The following KCNU1 variants were observed in gnomAD, a reference collection of about 807,000 sequenced individuals.
KCNU1 encodes the protein potassium channel subfamily U member 1.
A neutral mutation model predicts 126.8 loss-of-function variants in KCNU1; 93 were observed. The observed-to-expected ratio is 0.73, with a 90% CI of 0.62 to 0.87. The LOEUF (loss-of-function observed/expected upper bound fraction) is 0.87, where lower values mean the gene tolerates loss of function less well. KCNU1 is among the 40% of genes least tolerant of loss of function. The pLI is 0.00. For missense variants in KCNU1, 1,330 were observed against 1,367.1 expected (o/e 0.97, Z 0.43); for synonymous variants, 523 against 494.2 (o/e 1.06, Z -0.77).
intron 2 of KCNU1, among the ~76,000 whole-genome samples, chr8:36,793,865 C>T (rs1248077572): frequency 6.6e-6 from 1 of 151,830 alleles, no homozygotes; most frequent in Non-Finnish European, 1.5e-5. Context: ...ACAAGCCTGA[C>T]CAACATGGTG....
chr8:36,817,686 T>G lies in KCNU1; in HGVS notation c.1032T>G (p.Ser344Arg), dbSNP rs767587910. ...TCTGTGGAAACATCACTGTGGACAG[T>G]GTGACCGCTTTCCTGAGGAATTTCC... ...IVVCGNITVD[S>R]VTAFLRNFLR... Residue 344 changes from serine to arginine, a missense_variant, in exon 10 of 27, where the codon AGT becomes AGG. By Grantham distance (110) the Ser-to-Arg change is moderately radical. Around this residue, in one of 3 missense-constraint regions of KCNU1, gnomAD observed 1,054 missense variants for 1,053.9 expected, o/e 1.00. Transcript: ENST00000399881. 6.2e-7 allele frequency: 1 copy of G among 1,612,682 alleles called. No homozygotes were observed. Among genetic ancestry groups the G allele is most frequent in the Non-Finnish European group, 8.5e-7 (1 of 1,178,922 alleles).
In KCNU1 at chr8:36,787,469, T is replaced by C. The variant is rs1802749366; in HGVS notation, c.315+44T>C. The C allele has an allele frequency of 2.6e-6, 4 of 1,557,138 alleles. No homozygotes were observed. The African/African-American group carries it at 5.4e-5, about 21-fold the overall frequency. On this transcript the variant is annotated intron_variant, in intron 2 of 26. Transcript: ENST00000399881. ...TTAGCTTGCTAACAAACTTTAGCCA[T>C]AGGTGTGATTATAGTCAGCACAAAT...
intron 19 of KCNU1, among the ~76,000 whole-genome samples, chr8:36,867,903 A>T (rs921965073): frequency 6.6e-6 from 1 of 152,126 alleles, no homozygotes; most frequent in Non-Finnish European, 1.5e-5. Context: ...CTGGTTGGGG[A>T]TCCCTAAATA....
In KCNU1 at chr8:36,935,955, T is replaced by G; in HGVS notation, c.*35T>G. The stretch of plus-strand genomic sequence containing the variant: ...TATTCTTCACGTGCTCTTAACTTGC[T>G]GCTTACAAATCATCTCCTGAGATGC... On this transcript the variant is annotated 3_prime_UTR_variant, in exon 27 of 27. Coordinates refer to ENST00000399881, the MANE Select transcript of KCNU1 (RefSeq NM_001031836.3). 6.7e-7 allele frequency: 1 copy of G among 1,498,752 alleles called. No homozygotes were observed. Among genetic ancestry groups the G allele is most frequent in the Non-Finnish European group, 8.9e-7 (1 of 1,118,750 alleles). The allele number at this position is 1,498,752 out of a possible 1,614,324, so 92.8% of individuals were successfully genotyped here.
At chr8:36,868,551 T>A (rs902038597) in intron 19 of KCNU1, among the ~76,000 whole-genome samples, 1 of 152,144 alleles carries the variant, frequency 6.6e-6, no homozygotes, top group Non-Finnish European at 1.5e-5. Flanking sequence ...TTCCAGTAAG[T>A]TCAGAAACTA....
At chr8:36,850,611 T>C (rs999513185) in intron 18 of KCNU1, among the ~76,000 whole-genome samples, 1 of 152,074 alleles carries the variant, frequency 6.6e-6, no homozygotes, top group East Asian at 1.9e-4. Context: ...TGCCCACAAC[T>C]ATGCCCAGCT....
intron 19 of KCNU1, among the ~76,000 whole-genome samples, chr8:36,901,620 T>C (rs544175179): frequency 6.6e-6 from 1 of 152,280 alleles, no homozygotes; most frequent in East Asian, 1.9e-4. Context: ...CTGCAAAAAC[T>C]GTTCTTATCC....
Position 36,841,005 on chromosome 8 carries a change from T to C in KCNU1, c.1703+2T>C, listed in dbSNP as rs1456569908. On this transcript the variant is annotated splice_donor_variant, in intron 16 of 26. Coordinates refer to ENST00000399881, the MANE Select transcript of KCNU1 (RefSeq NM_001031836.3). LOFTEE classifies it high-confidence loss of function. ...GTCCCTCTTTACGGATGGTTTCTGG[T>C]ACCAATAAGTCTGCTCATCTCTTCA... 6.6e-7 allele frequency: 1 copy of C among 1,503,910 alleles called. No individual in the cohort carries two copies. Among genetic ancestry groups the C allele is most frequent in the South Asian group, 1.1e-5 (1 of 88,972 alleles). The allele number at this position is 1,503,910 out of a possible 1,614,324, so 93.2% of individuals were successfully genotyped here.
At chr8:36,932,619 G>C (rs1212613169) in intron 25 of KCNU1, among the ~76,000 whole-genome samples, 1 of 151,968 alleles carries the variant, frequency 6.6e-6, no homozygotes, top group Admixed American at 6.6e-5. Context: ...GTGGCTCATT[G>C]TTAATTCATA....
chr8:36,878,228 A>T (rs1371737612), intron 19 of KCNU1, among the ~76,000 whole-genome samples: 2 of 152,188 alleles, frequency 1.3e-5, no homozygotes. Context: ...AAAAATAAAG[A>T]CAAGAAAATT....
At chr8:36,840,837 G>T in intron 15 of KCNU1, 95 bp from the exon 16 acceptor site, 1 of 890,052 alleles carries the variant, frequency 1.1e-6, no homozygotes, top group Non-Finnish European at 1.9e-6. Context: ...CCTCTAAGAT[G>T]TTGGTTTCCT....
In KCNU1 at chr8:36,817,782, A is replaced by T. The variant is rs773100958; in HGVS notation, c.1106+22A>T. 6 of 1,173,410 alleles carry T rather than the reference A, an allele frequency of 5.1e-6. No individual in the cohort carries two copies. The Admixed American group carries it at 1.0e-4, about 20-fold the overall frequency. The allele number at this position is 1,173,410 out of a possible 1,614,324, so 72.7% of individuals were successfully genotyped here. A position where few individuals can be genotyped will look rare whatever the true frequency, so the allele number is the denominator to read the frequency against. The stretch of plus-strand genomic sequence containing the variant: ...GAGAGTAAGTATATCTGTATGGCTC[A>T]TGGGTTCTAAATTAATACTTAAAAT... On this transcript the variant is annotated intron_variant, in intron 10 of 26. Coordinates refer to ENST00000399881, the MANE Select transcript of KCNU1 (RefSeq NM_001031836.3).
At chr8:36,795,722 C>A (rs1563259486) in intron 2 of KCNU1, 1 of 152,328 alleles carries the variant, frequency 6.6e-6, no homozygotes, top group Non-Finnish European at 1.5e-5. Context: ...GATCTTCCAA[C>A]ACAGAACTTG....
At chr8:36,899,180 A>C (rs1453117655) in intron 19 of KCNU1, among the ~76,000 whole-genome samples, 1 of 152,122 alleles carries the variant, frequency 6.6e-6, no homozygotes, top group Non-Finnish European at 1.5e-5. Flanking sequence ...AGAGAAGTTC[A>C]AATATGGGCT....
chr8:36,861,151 T>C (rs1805716556), intron 18 of KCNU1, among the ~76,000 whole-genome samples: 1 of 152,196 alleles, frequency 6.6e-6, no homozygotes, highest in East Asian at 1.9e-4. Context: ...TCTGCATACT[T>C]TCTTCTCTAA....
chr8:36,931,006 T>G lies in KCNU1; in HGVS notation c.2792T>G (p.Val931Gly), dbSNP rs1374510168. ...ELLQMLVTGG[V>G]SSQLEQHLDK... The stretch of plus-strand genomic sequence containing the variant: ...CTTCAGATGCTGGTGACAGGAGGAG[T>G]AAGTTCTCAGCTGGAACAACATTTA... Residue 931 changes from valine (V) to glycine (G), a missense_variant, in exon 25 of 27, where the codon GTA (valine) becomes GGA (glycine). Physicochemically the swap from Val to Gly is moderately radical, Grantham distance 109. Coordinates refer to ENST00000399881, the MANE Select transcript of KCNU1 (RefSeq NM_001031836.3). The G allele has an allele frequency of 6.2e-7, 1 of 1,609,504 alleles. No homozygotes were observed. The highest frequency in any genetic ancestry group is 8.5e-7 in the Non-Finnish European group (1 of 1,177,778).
intron 19 of KCNU1, among the ~76,000 whole-genome samples, chr8:36,891,348 T>C (rs1249778977): frequency 1.3e-5 from 2 of 152,064 alleles, no homozygotes; most frequent in Admixed American, 1.3e-4. Context: ...GCTATGATTA[T>C]CATACAAATT....
chr8:36,889,263 C>T, intron 19 of KCNU1: 1 of 531,402 alleles, frequency 1.9e-6, no homozygotes, highest in African/African-American at 1.9e-5. Flanking sequence ...TCAGTATGAC[C>T]CCATATATGA....
At chr8:36,914,446 A>G (rs73676539) in intron 22 of KCNU1, among the ~76,000 whole-genome samples, 1,942 of 152,360 alleles carry the variant, frequency 0.013, 33 homozygotes, top group African/African-American at 0.044. Context: ...CAAGGTGGAG[A>G]AACTCCGCCC....
Sources: allele counts gnomAD v4.1 joint callset (sites outside exome capture counted in the v4.1 genomes callset), GRCh38; gene constraint gnomAD v4.1.1; regional missense constraint gnomAD v4.1.1; transcripts MANE v1.5; gene names NCBI Gene and HGNC (gene_info 2026-07-23, HGNC 2026-07-21).